The following PHLDB2 variants were observed in gnomAD, a reference collection of about 807,000 sequenced individuals.
The protein encoded by PHLDB2 is pleckstrin homology like domain family B member 2.
In PHLDB2, 71 loss-of-function variants were observed where a neutral mutation model predicts 123.6. That is an observed-to-expected ratio of 0.57 (90% CI 0.47 to 0.70). The LOEUF is 0.70. Among genes scored for constraint, PHLDB2 ranks in the 30% least tolerant of loss-of-function variants. The probability of loss-of-function intolerance (pLI) is 0.00; values close to 1 mark genes in which losing one functional copy is unlikely to be tolerated. For missense variants in PHLDB2, 1,446 were observed against 1,519.5 expected, an observed-to-expected ratio of 0.95 and a Z score of 0.80; for synonymous variants, 547 against 541.6, an observed-to-expected ratio of 1.01 and a Z score of -0.14.
chr3:111,845,762 T>C (rs1006528337), intron 1 of PHLDB2: 127 of 1,579,852 alleles, frequency 8.0e-5, no homozygotes, highest in Non-Finnish European at 1.1e-4. Context: ...TGACCTTGAG[T>C]TTTCAGAGGT....
At chr3:111,811,543 C>A (rs771037395) in intron 1 of PHLDB2, among the ~76,000 whole-genome samples, 2 of 152,044 alleles carry the variant, frequency 1.3e-5, no homozygotes, top group Non-Finnish European at 2.9e-5. Context: ...GTAGGCCCCA[C>A]AAAAATTTTG....
intron 2 of PHLDB2, among the ~76,000 whole-genome samples, chr3:111,903,232 T>C (rs1166931258): frequency 6.6e-6 from 1 of 152,148 alleles, no homozygotes; most frequent in Non-Finnish European, 1.5e-5. Context: ...GCCAGGGCAA[T>C]GTGAAGAGAA....
intron 1 of PHLDB2, chr3:111,779,890 C>T: frequency 1.0e-6 from 1 of 980,942 alleles, no homozygotes; most frequent in Non-Finnish European, 1.2e-6. Context: ...TCAGCCATGG[C>T]CAATGAAGGG....
At chr3:111,932,172 G>T (rs1577117213) in intron 5 of PHLDB2, 97 bp from the exon 6 acceptor site, 2 of 1,303,816 alleles carry the variant, frequency 1.5e-6, no homozygotes, top group Non-Finnish European at 2.1e-6. Flanking sequence ...CAGAGTTTGT[G>T]TATGTTTGTT....
chr3:111,974,294 A>G, intron 17 of PHLDB2, 129 bp from the exon 18 acceptor site: 4 of 869,458 alleles, frequency 4.6e-6, no homozygotes, highest in Admixed American at 3.3e-5. Flanking sequence ...GAGTTATAGT[A>G]GAGCAAAAGT....
At chr3:111,764,859 TC>T (rs2060053348) in intron 1 of PHLDB2, among the ~76,000 whole-genome samples, 2 of 152,284 alleles carry the variant, frequency 1.3e-5, no homozygotes, top group Admixed American at 6.5e-5. Flanking sequence ...GACTCTAACC[TC>T]TCTTCTTTTT....
intron 1 of PHLDB2, among the ~76,000 whole-genome samples, chr3:111,872,699 C>T (rs1248393849): frequency 1.3e-5 from 2 of 152,108 alleles, no homozygotes; most frequent in African/African-American, 4.8e-5. Context: ...TAGGCCTGCT[C>T]ACACCTAAAA....
chr3:111,922,536 T>A (rs1168788055), intron 5 of PHLDB2, among the ~76,000 whole-genome samples: 1 of 152,122 alleles, frequency 6.6e-6, no homozygotes, highest in Non-Finnish European at 1.5e-5. Context: ...TTAGTTGGTC[T>A]TAGAAGGTAG....
At position 111,969,834 on chromosome 3, in the gene PHLDB2, G is replaced by T. The variant is rs932904272; in HGVS notation, c.3460G>T (p.Gly1154Cys). 3 of 1,613,888 alleles carry T rather than the reference G, an allele frequency of 1.9e-6. No homozygotes were observed. In the Admixed American group the frequency reaches 5.0e-5, roughly 27 times the overall value. The change falls in exon 16 of 18, where the codon GGT (glycine) becomes TGT (cysteine). Residue 1154 changes from glycine (G) to cysteine (C), a missense_variant. This residue lies in a region of PHLDB2 where 594 missense variants were observed against 646.0 expected (regional missense o/e 0.92). Coordinates refer to ENST00000431670, the MANE Select transcript of PHLDB2 (RefSeq NM_001134438.2). ...KTCRGFLIKM[G>C]GKIKTWKKRW... Reference sequence around the variant, plus strand: ...CTGCCGAGGATTCCTCATCAAAATGGGTGGGAAAATTAAAACGTGGAAAAA... The same window carrying T: ...CTGCCGAGGATTCCTCATCAAAATGTGTGGGAAAATTAAAACGTGGAAAAA...
chr3:111,953,445 A>C (rs1316579539), intron 11 of PHLDB2, among the ~76,000 whole-genome samples: 1 of 152,182 alleles, frequency 6.6e-6, no homozygotes, highest in African/African-American at 2.4e-5. Flanking sequence ...TTTTATCTAC[A>C]TGAAGGATTT....
At chr3:111,858,936 T>A (rs1375961387), upstream of PHLDB2, among the ~76,000 whole-genome samples, 1 of 152,190 alleles carries the variant, frequency 6.6e-6, no homozygotes, top group Non-Finnish European at 1.5e-5. Flanking sequence ...GACCTCTACA[T>A]CAGCATTGTT....
intron 6 of PHLDB2, among the ~76,000 whole-genome samples, chr3:111,937,347 C>G (rs998483340): frequency 1.3e-5 from 2 of 152,118 alleles, no homozygotes; most frequent in African/African-American, 4.8e-5. Context: ...AATTATTTAT[C>G]CAACTCTCTT....
At chr3:111,934,809 A>T (rs1210372654) in intron 6 of PHLDB2, among the ~76,000 whole-genome samples, 1 of 152,216 alleles carries the variant, frequency 6.6e-6, no homozygotes, top group African/African-American at 2.4e-5. Flanking sequence ...AAAAGATAAT[A>T]GAAATAATCT....
chr3:111,945,218 G>A (rs1196739493), intron 8 of PHLDB2, 50 bp from the exon 9 acceptor site: 11 of 1,240,408 alleles, frequency 8.9e-6, no homozygotes, highest in African/African-American at 1.5e-5. Context: ...ATGCTTCTCA[G>A]TTGCATCGAA....
intron 8 of PHLDB2, among the ~76,000 whole-genome samples, chr3:111,941,674 A>G (rs1315793438): frequency 1.3e-5 from 2 of 152,046 alleles, no homozygotes; most frequent in African/African-American, 4.8e-5. Flanking sequence ...TGGGCATGGT[A>G]GCACACACCT....
At chr3:111,850,644 G>A (rs1343447399) in intron 2 of PHLDB2, among the ~76,000 whole-genome samples, 1 of 152,036 alleles carries the variant, frequency 6.6e-6, no homozygotes, top group East Asian at 1.9e-4. Context: ...TGCACTTGTA[G>A]TCCTAGTTAC....
rs1260557085 is a variant in PHLDB2, at chr3:111,969,684, T to G, written c.3316-6T>G. On this transcript the variant is annotated splice_polypyrimidine_tract_variant and splice_region_variant and intron_variant, in intron 15 of 17. Transcript: ENST00000431670. ...TATAGATGCAATGGGTTTTGCACTT[T>G]TCCAGGCTCGTCCTTTGACACGCTA... 3.7e-6 allele frequency: 6 copies of G among 1,613,096 alleles called. No homozygotes were observed. The highest frequency in any genetic ancestry group is 5.1e-6 in the Non-Finnish European group (6 of 1,179,308).
chr3:111,945,206 C>A, intron 8 of PHLDB2, 62 bp from the exon 9 acceptor site: 1 of 1,088,562 alleles, frequency 9.2e-7, no homozygotes. Flanking sequence ...TGCAAAGTCA[C>A]CATGCTTCTC....
chr3:111,890,291 G>A (rs973955943), intron 2 of PHLDB2, among the ~76,000 whole-genome samples: 1 of 152,142 alleles, frequency 6.6e-6, no homozygotes, highest in African/African-American at 2.4e-5. Flanking sequence ...AACTAAGACA[G>A]ACTCAGTAAA....
Sources: allele counts gnomAD v4.1 joint callset (sites outside exome capture counted in the v4.1 genomes callset), GRCh38; gene constraint gnomAD v4.1.1; regional missense constraint gnomAD v4.1.1; transcripts MANE v1.5; gene names NCBI Gene and HGNC (gene_info 2026-07-23, HGNC 2026-07-21).